Variants in STK24 observed in about 807,000 individuals in gnomAD.
STK24 encodes the protein serine/threonine-protein kinase 24.
A neutral mutation model predicts 55.6 loss-of-function variants in STK24; 21 were observed. The observed-to-expected ratio is 0.38, with a 90% CI of 0.27 to 0.54. The LOEUF is 0.54. Ranked by LOEUF, STK24 falls within the 20% of genes least tolerant of loss-of-function variation. STK24 has a pLI of 0.79. For missense variants in STK24, 383 were observed against 538.4 expected, an observed-to-expected ratio of 0.71 and a Z score of 2.86; for synonymous variants, 200 against 215.2, an observed-to-expected ratio of 0.93 and a Z score of 0.62.
chr13:98,574,106 G>C (rs920387343), intron 1 of STK24, among the ~76,000 whole-genome samples: 2 of 152,126 alleles, frequency 1.3e-5, no homozygotes, highest in African/African-American at 4.8e-5. Flanking sequence ...CCGCCTCCCG[G>C]GTTCAAGTGA....
At chr13:98,520,701 C>T (rs1896228759) in intron 1 of STK24, among the ~76,000 whole-genome samples, 1 of 152,236 alleles carries the variant, frequency 6.6e-6, no homozygotes, top group Non-Finnish European at 1.5e-5. Flanking sequence ...CCACAGCTCT[C>T]CAAGGTGAGA....
At chr13:98,519,547 G>A (rs1396176632) in intron 1 of STK24, 74 bp from the exon 2 acceptor site, 2 of 1,180,784 alleles carry the variant, frequency 1.7e-6, no homozygotes, top group South Asian at 1.3e-5. Context: ...AATTTTATGT[G>A]TAATGTTATA....
chr13:98,448,290 G>C lies in STK24; in HGVS notation c.*4883C>G, dbSNP rs564920541. The stretch of plus-strand genomic sequence containing the variant: ...GCTCTGCCTCGCGACCCCACGTGTT[G>C]AGTCACAAAGAGTCTCTTGTGTATT... On this transcript the variant is annotated 3_prime_UTR_variant, in exon 11 of 11. Coordinates refer to ENST00000539966, the MANE Select transcript of STK24 (RefSeq NM_001032296.4). 32 of 1,614,016 alleles carry C rather than the reference G, an allele frequency of 2.0e-5. 1 individual carries two copies. The East Asian group carries it at 5.8e-4, about 29-fold the overall frequency.
At chr13:98,496,093 G>C (rs1465721793) in intron 2 of STK24, among the ~76,000 whole-genome samples, 1 of 152,246 alleles carries the variant, frequency 6.6e-6, no homozygotes, top group Non-Finnish European at 1.5e-5. Context: ...CTACACTCAT[G>C]CGGGAGGGGA....
At chr13:98,528,207 C>G (rs1265378547) in intron 1 of STK24, among the ~76,000 whole-genome samples, 1 of 152,220 alleles carries the variant, frequency 6.6e-6, no homozygotes, top group Non-Finnish European at 1.5e-5. Flanking sequence ...CGGCCATGAC[C>G]TGGGGGTTTG....
intron 2 of STK24, among the ~76,000 whole-genome samples, chr13:98,493,241 C>T (rs542244956): frequency 1.3e-5 from 2 of 152,274 alleles, no homozygotes; most frequent in South Asian, 2.1e-4. Flanking sequence ...TGCGTGTGCT[C>T]GCGTCCAATA....
At chr13:98,496,921 C>G (rs1029098161) in intron 2 of STK24, among the ~76,000 whole-genome samples, 6 of 152,198 alleles carry the variant, frequency 3.9e-5, no homozygotes, top group African/African-American at 1.4e-4. Flanking sequence ...ACAAAACAGA[C>G]AGTGAAATGC....
chr13:98,453,052 G>A lies in STK24; in HGVS notation c.*121C>T. The A allele has an allele frequency of 1.8e-6, 2 of 1,140,572 alleles. No homozygotes were observed. Among genetic ancestry groups the A allele is most frequent in the Non-Finnish European group, 2.5e-6 (2 of 785,080 alleles). 70.7% of individuals were successfully genotyped at this position (1,140,572 alleles called of 1,614,324 possible). A position where few individuals can be genotyped will look rare whatever the true frequency, so the allele number is the denominator to read the frequency against. ...GTCCCTGGACGGGCGCCTGGCGCTGGGGTGGCTCCCAGTGGCGCACCTCTT... is the reference window on the plus strand; with the variant it reads ...GTCCCTGGACGGGCGCCTGGCGCTGAGGTGGCTCCCAGTGGCGCACCTCTT... On this transcript the variant is annotated 3_prime_UTR_variant, in exon 11 of 11. Transcript: ENST00000539966.
chr13:98,473,349 A>C (rs1489620723), intron 5 of STK24, among the ~76,000 whole-genome samples: 1 of 147,524 alleles, frequency 6.8e-6, no homozygotes, highest in Non-Finnish European at 1.5e-5. Flanking sequence ...AATTTACTAC[A>C]AAGAATGAGA....
At chr13:98,475,105 G>T (rs1894314370) in intron 4 of STK24, 127 bp from the exon 5 acceptor site, 3 of 1,426,254 alleles carry the variant, frequency 2.1e-6, no homozygotes, top group Non-Finnish European at 2.8e-6. Context: ...TACACTTTTT[G>T]TCAGACCCCC....
At chr13:98,532,232 A>C (rs905187311) in intron 1 of STK24, among the ~76,000 whole-genome samples, 2 of 152,126 alleles carry the variant, frequency 1.3e-5, no homozygotes, top group African/African-American at 4.8e-5. Context: ...ACACCTGGGA[A>C]AAAATCACAT....
chr13:98,481,048 G>A (rs149360308), intron 3 of STK24, among the ~76,000 whole-genome samples: 1 of 152,292 alleles, frequency 6.6e-6, no homozygotes, highest in Non-Finnish European at 1.5e-5. Context: ...ACACTGCAAT[G>A]ACAGATCTGG....
At chr13:98,472,770 G>C (rs892512507) in intron 5 of STK24, among the ~76,000 whole-genome samples, 1 of 151,986 alleles carries the variant, frequency 6.6e-6, no homozygotes, top group Non-Finnish European at 1.5e-5. Context: ...TTGACTTATG[G>C]GTTCACATCA....
chr13:98,482,469 C>T, intron 2 of STK24, 148 bp from the exon 3 acceptor site: 1 of 554,118 alleles, frequency 1.8e-6, no homozygotes, highest in Non-Finnish European at 3.2e-6. Flanking sequence ...AAAGTGAGAG[C>T]TGTGCAGGGA....
At chr13:98,518,527 A>T (rs556089605) in intron 2 of STK24, among the ~76,000 whole-genome samples, 43 of 152,250 alleles carry the variant, frequency 2.8e-4, no homozygotes, top group Non-Finnish European at 5.4e-4. Context: ...AACATTTTTA[A>T]GTTCAGTGAA....
At chr13:98,516,057 TG>T (rs1256796156) in intron 2 of STK24, among the ~76,000 whole-genome samples, 2 of 152,214 alleles carry the variant, frequency 1.3e-5, no homozygotes, top group African/African-American at 4.8e-5. Context: ...ACCAAGATGA[TG>T]GAAGAATGGC....
chr13:98,454,981 G>A (rs779501203), intron 10 of STK24: 20 of 152,196 alleles, frequency 1.3e-4, no homozygotes, highest in African/African-American at 4.3e-4. Context: ...CTACAGACCC[G>A]CCCGAGGGTA....
At position 98,446,688 on chromosome 13, in the gene STK24, T is replaced by G; in HGVS notation, c.*6485A>C. ...CAGGACAATCATCCCCTTGCCAGCC[T>G]GCCTCTGCTCGGCTACTCGCTCACC... is the stretch of plus-strand genomic sequence containing the variant. On this transcript the variant is annotated 3_prime_UTR_variant, in exon 11 of 11. Transcript: ENST00000539966. 4.3e-6 allele frequency: 7 copies of G among 1,614,122 alleles called. No homozygotes were observed. Among genetic ancestry groups the G allele is most frequent in the Non-Finnish European group, 4.2e-6 (5 of 1,180,002 alleles).
Position 98,576,917 on chromosome 13 carries a change from C to T in STK24, c.-131G>A, listed in dbSNP as rs921179148. 8.7e-6 allele frequency: 4 copies of T among 457,258 alleles called. No individual in the cohort carries two copies. The highest frequency in any genetic ancestry group is 8.6e-5 in the African/African-American group (4 of 46,336). 28.3% of individuals were successfully genotyped at this position (457,258 alleles called of 1,614,324 possible). ...GCCGGAGCCCGAGGCCACCCCAGCC[C>T]TGGCGGGTCCCGGCCGGGCGGCGGG... On this transcript the variant is annotated 5_prime_UTR_variant, in exon 1 of 11. Coordinates refer to ENST00000539966, the MANE Select transcript of STK24 (RefSeq NM_001032296.4).
Sources: gnomAD v4.1 joint callset for allele counts (sites outside exome capture counted in the v4.1 genomes callset) on GRCh38, gnomAD v4.1.1 for gene constraint, MANE v1.5 for transcripts, NCBI Gene and HGNC (gene_info 2026-07-23, HGNC 2026-07-21) for gene names.